Variants in PARD3B observed in about 807,000 individuals in gnomAD.
PARD3B encodes par-3 family cell polarity regulator beta.
In PARD3B, 103 loss-of-function variants were observed where a neutral mutation model predicts 130.2. The observed-to-expected ratio is 0.79, with a 90% confidence interval of 0.67 to 0.93. The LOEUF (loss-of-function observed/expected upper bound fraction) is 0.93. Ranked by LOEUF, PARD3B falls within the 40% of genes least tolerant of loss-of-function variation. The probability of loss-of-function intolerance (pLI) is 0.00; values close to 1 mark genes in which losing one functional copy is unlikely to be tolerated. For synonymous variants in PARD3B, 583 were observed against 553.2 expected, an observed-to-expected ratio of 1.05 and a Z score of -0.76; for missense variants, 1,609 against 1,499.2, an observed-to-expected ratio of 1.07 and a Z score of -1.21.
intron 1 of PARD3B, among the ~76,000 whole-genome samples, chr2:204,599,870 A>G (rs1183395812): frequency 2.0e-5 from 3 of 150,958 alleles, no homozygotes; most frequent in African/African-American, 7.3e-5. Flanking sequence ...TTATTTTTTG[A>G]TTATAGCCAT....
chr2:205,163,282 T>C (rs2034613057), intron 11 of PARD3B, among the ~76,000 whole-genome samples: 1 of 152,216 alleles, frequency 6.6e-6, no homozygotes. Context: ...GTTTAGGGGC[T>C]GCTAAATAGA....
At chr2:204,661,602 A>C (rs774207132) in intron 1 of PARD3B, among the ~76,000 whole-genome samples, 1 of 152,184 alleles carries the variant, frequency 6.6e-6, no homozygotes, top group Non-Finnish European at 1.5e-5. Context: ...ACTCCTTGAG[A>C]ACCCAAATGA....
chr2:205,097,793 T>G (rs1416690580), intron 4 of PARD3B, among the ~76,000 whole-genome samples: 5 of 151,462 alleles, frequency 3.3e-5, no homozygotes, highest in African/African-American at 1.2e-4. Context: ...CTAATTGTCA[T>G]GCCAATTTCT....
Position 205,499,975 on chromosome 2 carries a change from C to T in PARD3B, c.3124C>T (p.Pro1042Ser). The change falls in exon 21 of 23, where the codon CCT becomes TCT. Residue 1042 changes from proline to serine, a missense_variant. Transcript: ENST00000406610. Reference protein sequence around the residue: ...EYYQARREGFPLYEDDEGRAR... With the variant: ...EYYQARREGFSLYEDDEGRAR... The stretch of plus-strand genomic sequence containing the variant: ...TTATCAGGCTCGGAGGGAAGGTTTC[C>T]CTTTATATGAAGACGACGAAGGAAG... The T allele has an allele frequency of 6.2e-7, 1 of 1,613,854 alleles. No homozygotes were observed. The highest frequency in any genetic ancestry group is 8.5e-7 in the Non-Finnish European group (1 of 1,179,816).
intron 2 of PARD3B, among the ~76,000 whole-genome samples, chr2:204,893,973 A>G (rs558839043): frequency 2.8e-4 from 43 of 152,190 alleles, no homozygotes; most frequent in Non-Finnish European, 4.6e-4. Context: ...ATGTGATTAC[A>G]TAAGTAAATC....
chr2:205,400,899 G>T (rs889376539), intron 18 of PARD3B, 114 bp from the exon 19 acceptor site: 3 of 694,716 alleles, frequency 4.3e-6, no homozygotes, highest in Non-Finnish European at 7.3e-6. Context: ...AAATGATCTT[G>T]ACTTACTTAG....
intron 2 of PARD3B, among the ~76,000 whole-genome samples, chr2:204,753,765 A>G (rs527316554): frequency 1.3e-5 from 2 of 152,242 alleles, no homozygotes; most frequent in East Asian, 3.9e-4. Flanking sequence ...TCAAAATGAA[A>G]TGGTGAGCCA....
intron 11 of PARD3B, among the ~76,000 whole-genome samples, chr2:205,159,264 G>A (rs1412629797): frequency 6.6e-6 from 1 of 152,204 alleles, no homozygotes; most frequent in East Asian, 1.9e-4. Flanking sequence ...CATAAAGGCA[G>A]CAAATAAGAC....
chr2:205,100,876 C>T (rs10932096), intron 4 of PARD3B, among the ~76,000 whole-genome samples: 149,672 of 152,244 alleles, frequency 0.98, 73,635 homozygotes, highest in Middle Eastern at 1. Flanking sequence ...GAGCTAACAC[C>T]GTATAAGATT....
chr2:205,567,389 A>C (rs1158383847), intron 22 of PARD3B, among the ~76,000 whole-genome samples: 1 of 129,538 alleles, frequency 7.7e-6, no homozygotes, highest in Admixed American at 1.0e-4. Context: ...ATCTCGGCTC[A>C]CTGCAAGCTC....
At chr2:204,755,749 T>C (rs2040641111) in intron 2 of PARD3B, among the ~76,000 whole-genome samples, 2 of 152,276 alleles carry the variant, frequency 1.3e-5, no homozygotes, top group South Asian at 2.1e-4. Flanking sequence ...AATGGAAATA[T>C]GGCAGTTAAC....
chr2:204,719,085 T>G (rs1316246847), intron 2 of PARD3B, among the ~76,000 whole-genome samples: 2 of 152,202 alleles, frequency 1.3e-5, no homozygotes, highest in Non-Finnish European at 2.9e-5. Flanking sequence ...TTTCTAATAG[T>G]TTTGAAAAGA....
At position 205,015,323 on chromosome 2, in the gene PARD3B, G is replaced by A. The variant is rs1696055484; in HGVS notation, c.395-32258G>A. ...TCATCATCTGCCTGTTGAGTAGATG[G>A]AGGAAGAGAAGGGGTTGGTCTTGCT... is the stretch of plus-strand genomic sequence containing the variant. On this transcript the variant is annotated intron_variant, in intron 3 of 22. Transcript: ENST00000406610. The surrounding 1 kb of genome is among the most constrained non-coding windows in gnomAD (Gnocchi z 4.5). Among the ~76,000 whole-genome samples the A allele has an allele frequency of 6.6e-6, 1 of 152,154 alleles. No homozygotes were observed. Among genetic ancestry groups the A allele is most frequent in the African/African-American group, 2.4e-5 (1 of 41,440 alleles).
chr2:204,948,485 C>T (rs904203259), intron 2 of PARD3B, among the ~76,000 whole-genome samples: 1 of 152,158 alleles, frequency 6.6e-6, no homozygotes, highest in Non-Finnish European at 1.5e-5. Flanking sequence ...TTGAGACTTC[C>T]GTTTAGATTT....
chr2:204,692,145 G>A (rs1389847148), intron 2 of PARD3B, among the ~76,000 whole-genome samples: 1 of 152,046 alleles, frequency 6.6e-6, no homozygotes, highest in Non-Finnish European at 1.5e-5. Context: ...GCTCACAGGA[G>A]CTACTTCCTG....
At chr2:204,985,667 A>T (rs1693071580) in intron 3 of PARD3B, among the ~76,000 whole-genome samples, 1 of 152,172 alleles carries the variant, frequency 6.6e-6, no homozygotes. Flanking sequence ...TTATATGTGA[A>T]AAGCCACTGG....
At chr2:205,008,163 G>A (rs1469787756) in intron 3 of PARD3B, among the ~76,000 whole-genome samples, 3 of 152,052 alleles carry the variant, frequency 2.0e-5, no homozygotes, top group Admixed American at 6.6e-5. Context: ...CACATTTGGT[G>A]CATATCATAG....
intron 3 of PARD3B, among the ~76,000 whole-genome samples, chr2:204,996,399 CAG>C (rs1694182324): frequency 6.6e-6 from 1 of 152,128 alleles, no homozygotes; most frequent in African/African-American, 2.4e-5. Context: ...GCTCAGGGGT[CAG>C]GGGTCAGGGA....
intron 4 of PARD3B, among the ~76,000 whole-genome samples, chr2:205,090,391 A>G (rs1702033096): frequency 6.6e-6 from 1 of 152,222 alleles, no homozygotes; most frequent in Non-Finnish European, 1.5e-5. Context: ...TGCTTCATGT[A>G]TGTTTTTAAC....
Sources: gnomAD v4.1 joint callset for allele counts (sites outside exome capture counted in the v4.1 genomes callset) on GRCh38, gnomAD v4.1.1 for gene constraint, Gnocchi (gnomAD v3.1) non-coding constraint, MANE v1.5 for transcripts, NCBI Gene and HGNC (gene_info 2026-07-23, HGNC 2026-07-21) for gene names.